Variants in PAPPA2 observed in about 807,000 individuals in gnomAD.
PAPPA2 encodes pappalysin 2, also known as pappalysin-2.
PAPPA2 carries 86 observed loss-of-function variants against 176.4 expected under a neutral mutation model. The observed-to-expected ratio is 0.49, with a 90% CI of 0.41 to 0.58. The LOEUF (loss-of-function observed/expected upper bound fraction) is 0.58, where lower values mean the gene tolerates loss of function less well. Ranked by LOEUF, PAPPA2 falls within the 20% of genes least tolerant of loss-of-function variation. PAPPA2 has a pLI of 0.00. For synonymous variants in PAPPA2, 809 were observed against 852.2 expected (o/e 0.95, Z 0.88); for missense variants, 2,073 against 2,256.9 (o/e 0.92, Z 1.65).
At chr1:176,524,795 G>A (rs1392142726) in intron 1 of PAPPA2, among the ~76,000 whole-genome samples, 1 of 152,118 alleles carries the variant, frequency 6.6e-6, no homozygotes, top group Non-Finnish European at 1.5e-5. Flanking sequence ...AGGCCCTGGC[G>A]GGCGGATCAT....
At position 176,725,712 on chromosome 1, in the gene PAPPA2, A is replaced by G. The variant is rs1182884416; in HGVS notation, c.3798+13731A>G. On this transcript the variant is annotated intron_variant, in intron 12 of 22. Transcript: ENST00000367662. ...GTTACACACACACGCACGCGCGCGC[A>G]CACACACACTCACGGGTTTAGTCAT... Among the ~76,000 whole-genome samples the G allele has an allele frequency of 7.2e-5, 11 of 152,290 alleles. No homozygotes were observed. In the East Asian group the frequency reaches 1.2e-3, roughly 16 times the overall value.
intron 12 of PAPPA2, among the ~76,000 whole-genome samples, chr1:176,723,481 T>G (rs991079674): frequency 4.0e-4 from 1 of 2,486 alleles, no homozygotes; most frequent in Non-Finnish European, 1.3e-3. Context: ...GTGGTTAGGT[T>G]TTTTTTTTTA....
intron 14 of PAPPA2, among the ~76,000 whole-genome samples, chr1:176,761,173 CAGAA>C (rs1024539399): frequency 6.6e-6 from 1 of 152,098 alleles, no homozygotes; most frequent in African/African-American, 2.4e-5. Context: ...TGAAGACCAG[CAGAA>C]AGAGAGTAGA....
At chr1:176,689,328 G>A (rs1173855602) in intron 4 of PAPPA2, among the ~76,000 whole-genome samples, 1 of 152,170 alleles carries the variant, frequency 6.6e-6, no homozygotes, top group Non-Finnish European at 1.5e-5. Flanking sequence ...TCTCATCTAA[G>A]CCTGATTGGA....
At chr1:176,562,742 G>A (rs940507673) in intron 2 of PAPPA2, among the ~76,000 whole-genome samples, 2 of 152,218 alleles carry the variant, frequency 1.3e-5, no homozygotes, top group African/African-American at 4.8e-5. Context: ...GTTGACTTGT[G>A]TGAACAGGGC....
At chr1:176,767,055 CT>C (rs1664003002) in intron 15 of PAPPA2, among the ~76,000 whole-genome samples, 1 of 152,096 alleles carries the variant, frequency 6.6e-6, no homozygotes, top group African/African-American at 2.4e-5. Context: ...TTTAATATAC[CT>C]TGAGGCACCA....
chr1:176,683,008 CTATTTATT>C (rs71865149), intron 4 of PAPPA2, among the ~76,000 whole-genome samples: 4,504 of 140,592 alleles, frequency 0.032, 138 homozygotes, highest in African/African-American at 0.079. Flanking sequence ...TTGCCCAAAG[CTATTTATT>C]TATTTATTTA....
chr1:176,669,313 C>T (rs2102770962), intron 3 of PAPPA2, among the ~76,000 whole-genome samples: 1 of 152,020 alleles, frequency 6.6e-6, no homozygotes, highest in African/African-American at 2.4e-5. Flanking sequence ...TTTTCATTTC[C>T]TTCATTCTCT....
At chr1:176,758,232 T>A (rs1663523250) in intron 14 of PAPPA2, among the ~76,000 whole-genome samples, 1 of 152,194 alleles carries the variant, frequency 6.6e-6, no homozygotes, top group Admixed American at 6.5e-5. Flanking sequence ...TTAGTAGGGT[T>A]CTCAACACCT....
chr1:176,749,603 A>G (rs888449063), intron 14 of PAPPA2, among the ~76,000 whole-genome samples: 8 of 152,138 alleles, frequency 5.3e-5, no homozygotes, highest in Admixed American at 1.3e-4. Context: ...CCTATTCACC[A>G]CCATACCCTA....
chr1:176,739,830 G>A, intron 13 of PAPPA2, 69 bp downstream of exon 13: 2 of 1,588,670 alleles, frequency 1.3e-6, no homozygotes. Flanking sequence ...TCAGCTTGAT[G>A]TCTGTCTTTT....
At chr1:176,706,686 A>G (rs1043126620) in intron 10 of PAPPA2, among the ~76,000 whole-genome samples, 2 of 152,210 alleles carry the variant, frequency 1.3e-5, no homozygotes, top group Admixed American at 1.3e-4. Flanking sequence ...TTATGCAGCT[A>G]GAAGTGGTAA....
At chr1:176,519,806 T>C (rs1453785910) in intron 1 of PAPPA2, among the ~76,000 whole-genome samples, 1 of 152,190 alleles carries the variant, frequency 6.6e-6, no homozygotes, top group Non-Finnish European at 1.5e-5. Flanking sequence ...TTTAATATTC[T>C]TAACCAGACA....
intron 21 of PAPPA2, among the ~76,000 whole-genome samples, chr1:176,816,251 ATATATG>A (rs1380855489): frequency 7.5e-6 from 1 of 132,602 alleles, no homozygotes; most frequent in Non-Finnish European, 1.5e-5. Context: ...GTATATATAT[ATATATG>A]TATGTATGTA....
intron 4 of PAPPA2, among the ~76,000 whole-genome samples, chr1:176,683,850 A>G (rs1364492515): frequency 2.6e-5 from 4 of 152,194 alleles, no homozygotes; most frequent in East Asian, 3.9e-4. Flanking sequence ...ATACAAACCT[A>G]TTTTGGGTTT....
At chr1:176,676,167 A>C (rs1659280821) in intron 4 of PAPPA2, among the ~76,000 whole-genome samples, 1 of 152,124 alleles carries the variant, frequency 6.6e-6, no homozygotes, top group Non-Finnish European at 1.5e-5. Flanking sequence ...AGAATACTTC[A>C]GCAATTTTCA....
chr1:176,828,588 G>A (rs1230860829), intron 21 of PAPPA2, among the ~76,000 whole-genome samples: 2 of 151,992 alleles, frequency 1.3e-5, no homozygotes, highest in Admixed American at 6.6e-5. Flanking sequence ...CTATGCATAT[G>A]TGTATATAAG....
chr1:176,788,011 G>A (rs914381845), intron 17 of PAPPA2, among the ~76,000 whole-genome samples: 4 of 151,920 alleles, frequency 2.6e-5, no homozygotes, highest in Non-Finnish European at 5.9e-5. Context: ...AGCGAGCCGA[G>A]ATCGCGCCAT....
intron 3 of PAPPA2, among the ~76,000 whole-genome samples, chr1:176,619,034 C>T (rs943629580): frequency 3.3e-5 from 5 of 151,956 alleles, no homozygotes; most frequent in Non-Finnish European, 2.9e-5. Flanking sequence ...CACTGAGAGT[C>T]GAAGGGGGTA....
Sources: gnomAD v4.1 joint callset for allele counts (sites outside exome capture counted in the v4.1 genomes callset) on GRCh38, gnomAD v4.1.1 for gene constraint, MANE v1.5 for transcripts, NCBI Gene and HGNC (gene_info 2026-07-23, HGNC 2026-07-21) for gene names.